The following FANCC variants were observed in gnomAD, a reference collection of about 807,000 sequenced individuals.
FANCC encodes Fanconi anemia group C protein.
Under a neutral mutation model 71.3 loss-of-function variants are expected in FANCC, and 55 were observed. The observed-to-expected ratio is 0.77, with a 90% CI of 0.62 to 0.97. The LOEUF (loss-of-function observed/expected upper bound fraction) is 0.97, where lower values mean the gene tolerates loss of function less well. FANCC is among the 50% of genes least tolerant of loss of function. FANCC has a pLI of 0.00. For missense variants in FANCC, 678 were observed against 670.9 expected (o/e 1.01, Z -0.12); for synonymous variants, 275 against 244.9 (o/e 1.12, Z -1.15).
At chr9:95,145,464 A>T (rs1033021030) in intron 7 of FANCC, 3 of 152,180 alleles carry the variant, frequency 2.0e-5, no homozygotes, top group Non-Finnish European at 2.9e-5. Context: ...CTCTCTCGAT[A>T]ATCTATATAC....
chr9:95,115,886 C>A (rs921959726), intron 11 of FANCC, among the ~76,000 whole-genome samples: 6 of 152,198 alleles, frequency 3.9e-5, no homozygotes, highest in African/African-American at 1.4e-4. Flanking sequence ...CTCTTTTACA[C>A]CCCTCTCCCG....
chr9:95,137,099 G>T (rs938922065), intron 7 of FANCC, among the ~76,000 whole-genome samples: 1 of 152,170 alleles, frequency 6.6e-6, no homozygotes, highest in African/African-American at 2.4e-5. Context: ...AAACTAAAGT[G>T]GGGGCGTAAG....
intron 4 of FANCC, among the ~76,000 whole-genome samples, chr9:95,230,955 C>A (rs1829974607): frequency 6.6e-6 from 1 of 152,144 alleles, no homozygotes; most frequent in South Asian, 2.1e-4. Context: ...GGTGTGTTTA[C>A]AATCCTTTAG....
Position 95,101,830 on chromosome 9 carries a change from T to C in FANCC, c.1554A>G (p.Ile518Met). 2 of 1,614,022 alleles carry C rather than the reference T, an allele frequency of 1.2e-6. No individual in the cohort carries two copies. Residue 518 changes from isoleucine to methionine, a missense_variant, in exon 15 of 15, where the codon ATA (isoleucine) becomes ATG (methionine). Physicochemically the swap from Ile to Met is conservative, Grantham distance 10. Transcript: ENST00000289081. ...CAAGAAAGCCAATGATCTCGTGAGT[T>C]ATCTCAGCAGTGTGAGCCATCTGCA... ...VITLMAHTAEITHEIIGFLDQ... is the reference protein window; with the variant it reads ...VITLMAHTAEMTHEIIGFLDQ...
chr9:95,104,066 T>C (rs529518941), intron 14 of FANCC, among the ~76,000 whole-genome samples: 18 of 152,170 alleles, frequency 1.2e-4, no homozygotes, highest in African/African-American at 4.3e-4. Context: ...AAAGCAACCA[T>C]CTGGCCACCA....
chr9:95,291,926 TGA>T (rs1172802561), intron 1 of FANCC, among the ~76,000 whole-genome samples: 1 of 115,080 alleles, frequency 8.7e-6, no homozygotes, highest in Non-Finnish European at 1.6e-5. Context: ...CCAGCCTAGG[TGA>T]GAGAGTGAGA....
At chr9:95,245,511 A>C (rs1022510251) in intron 3 of FANCC, among the ~76,000 whole-genome samples, 9 of 151,726 alleles carry the variant, frequency 5.9e-5, no homozygotes, top group Non-Finnish European at 1.2e-4. Flanking sequence ...AACAATGACA[A>C]CAATACAATA....
At chr9:95,284,180 A>G (rs926167428) in intron 1 of FANCC, among the ~76,000 whole-genome samples, 9 of 152,220 alleles carry the variant, frequency 5.9e-5, no homozygotes, top group African/African-American at 2.2e-4. Flanking sequence ...AAAACTGTTC[A>G]CAAAAGCAAT....
At chr9:95,102,310 G>A (rs2071124639) in intron 14 of FANCC, among the ~76,000 whole-genome samples, 1 of 152,172 alleles carries the variant, frequency 6.6e-6, no homozygotes, top group South Asian at 2.1e-4. Flanking sequence ...GCATCCCTGG[G>A]CTAGCAACCG....
At chr9:95,111,376 C>T (rs2134542519) in intron 13 of FANCC, 87 bp downstream of exon 13, 1 of 1,597,622 alleles carries the variant, frequency 6.3e-7, no homozygotes, top group African/African-American at 1.3e-5. Flanking sequence ...TCATGGAAGC[C>T]AAGCCCACAA....
chr9:95,193,958 C>T (rs767506593), intron 4 of FANCC, among the ~76,000 whole-genome samples: 1 of 152,176 alleles, frequency 6.6e-6, no homozygotes, highest in Non-Finnish European at 1.5e-5. Flanking sequence ...AGCCATGACA[C>T]CACTTTCTTC....
At chr9:95,310,187 A>G (rs1032700275) in intron 1 of FANCC, among the ~76,000 whole-genome samples, 1 of 152,004 alleles carries the variant, frequency 6.6e-6, no homozygotes, top group Non-Finnish European at 1.5e-5. Context: ...ACATAGCATG[A>G]CTCTGTCTCT....
At chr9:95,222,055 CT>C (rs1829307640) in intron 4 of FANCC, among the ~76,000 whole-genome samples, 1 of 150,844 alleles carries the variant, frequency 6.6e-6, no homozygotes, top group Non-Finnish European at 1.5e-5. Context: ...CAAACTGGGC[CT>C]AGGAGCACAT....
chr9:95,227,283 C>T (rs1588313061), intron 4 of FANCC, among the ~76,000 whole-genome samples: 1 of 152,160 alleles, frequency 6.6e-6, no homozygotes, highest in East Asian at 1.9e-4. Flanking sequence ...GCGTCCTGGC[C>T]TACTGCTGCA....
At chr9:95,150,132 C>T (rs759005676) in intron 6 of FANCC, 45 bp from the exon 7 acceptor site, 4 of 1,605,452 alleles carry the variant, frequency 2.5e-6, no homozygotes, top group African/African-American at 2.7e-5. Context: ...AAGAGCCATG[C>T]ATAATTAAGG....
Position 95,099,938 on chromosome 9 carries a change from A to C in FANCC, c.*1769T>G. On this transcript the variant is annotated 3_prime_UTR_variant, in exon 15 of 15. Transcript: ENST00000289081. Reference sequence around the variant, plus strand: ...AGAGGCCAACCCTGTACACAGGACCACAGGACAGGGTGGAGGACTGTCCCA... The same window carrying C: ...AGAGGCCAACCCTGTACACAGGACCCCAGGACAGGGTGGAGGACTGTCCCA... The C allele has an allele frequency of 4.3e-6, 1 of 232,550 alleles. No individual in the cohort carries two copies. The highest frequency in any genetic ancestry group is 2.2e-5 in the African/African-American group (1 of 45,398). The allele number at this position is 232,550 out of a possible 1,614,324, so 14.4% of individuals were successfully genotyped here.
chr9:95,234,973 G>A (rs1246479917), intron 4 of FANCC, among the ~76,000 whole-genome samples: 2 of 152,210 alleles, frequency 1.3e-5, no homozygotes, highest in Admixed American at 6.5e-5. Context: ...GGGCCCACCC[G>A]TATTAGGATG....
chr9:95,293,439 CT>C, intron 1 of FANCC: 1 of 1,572,576 alleles, frequency 6.4e-7, no homozygotes, highest in Non-Finnish European at 8.6e-7. Flanking sequence ...AGAGAGCCTA[CT>C]TCTTTTCTAA....
At chr9:95,134,491 G>A (rs1331354682) in intron 8 of FANCC, among the ~76,000 whole-genome samples, 1 of 152,182 alleles carries the variant, frequency 6.6e-6, no homozygotes, top group East Asian at 1.9e-4. Flanking sequence ...CTTGCAGGAA[G>A]CAGGAAGAAG....
Sources: gnomAD v4.1 joint callset for allele counts (sites outside exome capture counted in the v4.1 genomes callset) on GRCh38, gnomAD v4.1.1 for gene constraint, MANE v1.5 for transcripts, NCBI Gene and HGNC (gene_info 2026-07-23, HGNC 2026-07-21) for gene names.